Variants in TMTC1 observed in about 807,000 individuals in gnomAD.
TMTC1 encodes the protein transmembrane O-mannosyltransferase targeting cadherins 1.
Under a neutral mutation model 104.8 loss-of-function variants are expected in TMTC1, and 73 were observed. That is an observed-to-expected ratio of 0.70 (90% CI 0.58 to 0.85). TMTC1 has a LOEUF of 0.85. TMTC1 is among the 40% of genes least tolerant of loss of function. The probability of loss-of-function intolerance (pLI) is 0.00; values close to 1 mark genes in which losing one functional copy is unlikely to be tolerated. For missense variants in TMTC1, 1,035 were observed against 1,096.1 expected (o/e 0.94, Z 0.79); for synonymous variants, 434 against 428.7 (o/e 1.01, Z -0.15).
At chr12:29,557,441 TA>T (rs952989894) in intron 9 of TMTC1, among the ~76,000 whole-genome samples, 3 of 152,130 alleles carry the variant, frequency 2.0e-5, no homozygotes, top group African/African-American at 7.2e-5. Context: ...TAAACATCTT[TA>T]AAACAAAAAC....
intron 6 of TMTC1, among the ~76,000 whole-genome samples, chr12:29,608,966 A>G (rs1393244448): frequency 6.6e-6 from 1 of 152,170 alleles, no homozygotes; most frequent in East Asian, 1.9e-4. Context: ...ACACTTTGAT[A>G]CACATGTATG....
At chr12:29,738,027 T>A (rs1314324109) in intron 5 of TMTC1, among the ~76,000 whole-genome samples, 3 of 152,202 alleles carry the variant, frequency 2.0e-5, no homozygotes, top group Non-Finnish European at 2.9e-5. Flanking sequence ...TGTAGAAGAC[T>A]GACTATCTTC....
At chr12:29,633,431 C>T in intron 5 of TMTC1, 95 bp from the exon 6 acceptor site, 1 of 1,017,146 alleles carries the variant, frequency 9.8e-7, no homozygotes, top group South Asian at 1.9e-5. Flanking sequence ...AGCATTTCTA[C>T]CCAGTCAATG....
intron 5 of TMTC1, among the ~76,000 whole-genome samples, chr12:29,710,185 A>G (rs1941862276): frequency 6.6e-6 from 1 of 152,148 alleles, no homozygotes; most frequent in Non-Finnish European, 1.5e-5. Flanking sequence ...AGCAGCTGCC[A>G]CAATCTAACT....
rs1939360922 is a variant in TMTC1, at chr12:29,648,304, T to C, written c.939-14968A>G. Among the ~76,000 whole-genome samples the C allele has an allele frequency of 2.6e-5, 4 of 152,340 alleles. 1 individual carries two copies. In the South Asian group the frequency reaches 8.3e-4, roughly 32 times the overall value. ...TGACAACCTAGCTGAGATAAATTCT[T>C]AAGGCCCCTCCATGGCTCTACTCAC... On this transcript the variant is annotated intron_variant, in intron 5 of 17. Transcript: ENST00000539277.
intron 7 of TMTC1, among the ~76,000 whole-genome samples, chr12:29,591,385 G>A (rs1946277511): frequency 6.6e-6 from 1 of 152,124 alleles, no homozygotes; most frequent in African/African-American, 2.4e-5. Flanking sequence ...AGTCCGGCTT[G>A]CTCTGGTCAG....
intron 6 of TMTC1, among the ~76,000 whole-genome samples, chr12:29,625,026 A>G (rs1937904141): frequency 6.6e-6 from 1 of 152,170 alleles, no homozygotes; most frequent in South Asian, 2.1e-4. Context: ...TAGCTTCACT[A>G]TCTCAAAATT....
rs1046402666 is a variant in TMTC1, at chr12:29,501,266, C to T, written c.*5580G>A. On this transcript the variant is annotated 3_prime_UTR_variant, in exon 18 of 18. Transcript: ENST00000539277. ...AGTAACTACCTCTGCCATGTTCAAG[C>T]ACTTGGGCAATTCAGTCACTTTTAG... The T allele has an allele frequency of 6.6e-6, 1 of 152,134 alleles. No homozygotes were observed. The highest frequency in any genetic ancestry group is 2.4e-5 in the African/African-American group (1 of 41,426). 9.4% of individuals were successfully genotyped at this position (152,134 alleles called of 1,614,324 possible).
intron 8 of TMTC1, among the ~76,000 whole-genome samples, chr12:29,582,185 T>A (rs1946000329): frequency 6.6e-6 from 1 of 152,252 alleles, no homozygotes; most frequent in Admixed American, 6.5e-5. Flanking sequence ...CACATTATTT[T>A]AAAATAGTAG....
chr12:29,517,090 A>G (rs1377047704), intron 14 of TMTC1, among the ~76,000 whole-genome samples: 1 of 152,254 alleles, frequency 6.6e-6, no homozygotes, highest in East Asian at 1.9e-4. Flanking sequence ...ATATGCACAC[A>G]TATACATGTA....
chr12:29,603,853 T>C (rs1373609208), intron 7 of TMTC1, among the ~76,000 whole-genome samples: 2 of 152,240 alleles, frequency 1.3e-5, no homozygotes, highest in Admixed American at 6.5e-5. Context: ...TCTAGAAAAG[T>C]ATTATAATTC....
intron 5 of TMTC1, among the ~76,000 whole-genome samples, chr12:29,751,275 T>C (rs1174653403): frequency 6.6e-6 from 1 of 152,124 alleles, no homozygotes; most frequent in African/African-American, 2.4e-5. Context: ...GTCCTCTGGG[T>C]TTCCTCCCAT....
intron 5 of TMTC1, among the ~76,000 whole-genome samples, chr12:29,709,314 T>C (rs1483740510): frequency 6.6e-6 from 1 of 152,138 alleles, no homozygotes; most frequent in Non-Finnish European, 1.5e-5. Context: ...CAGCCAGTCT[T>C]CTGCAAAATG....
At chr12:29,672,457 A>C (rs1212835827) in intron 5 of TMTC1, among the ~76,000 whole-genome samples, 1 of 152,134 alleles carries the variant, frequency 6.6e-6, no homozygotes, top group African/African-American at 2.4e-5. Context: ...AGGCCAGGTC[A>C]GTCCATTTGA....
chr12:29,662,123 T>C (rs556035786), intron 5 of TMTC1, among the ~76,000 whole-genome samples: 17 of 152,258 alleles, frequency 1.1e-4, no homozygotes, highest in South Asian at 2.1e-4. Context: ...TCAAATCAAA[T>C]AGCATAAACC....
intron 5 of TMTC1, among the ~76,000 whole-genome samples, chr12:29,750,664 A>G (rs1284460639): frequency 6.6e-6 from 1 of 152,250 alleles, no homozygotes; most frequent in Non-Finnish European, 1.5e-5. Flanking sequence ...GAGTAACAAC[A>G]GCAATCTGAA....
chr12:29,536,908 A>C (rs368700668), intron 10 of TMTC1, among the ~76,000 whole-genome samples: 11 of 152,210 alleles, frequency 7.2e-5, no homozygotes, highest in African/African-American at 2.4e-4. Context: ...ATTTTTACTG[A>C]AAATTGAGGC....
chr12:29,597,281 C>T (rs1946435930), intron 7 of TMTC1, among the ~76,000 whole-genome samples: 1 of 132,782 alleles, frequency 7.5e-6, no homozygotes, highest in Non-Finnish European at 1.5e-5. Flanking sequence ...CACTATATTG[C>T]TCAGGCTGGT....
At chr12:29,516,865 T>A (rs897012690) in intron 14 of TMTC1, among the ~76,000 whole-genome samples, 7 of 152,222 alleles carry the variant, frequency 4.6e-5, no homozygotes, top group African/African-American at 1.7e-4. Flanking sequence ...ATGAGTGAAG[T>A]TCCAAACACT....
Sources: allele counts gnomAD v4.1 joint callset (sites outside exome capture counted in the v4.1 genomes callset), GRCh38; gene constraint gnomAD v4.1.1; transcripts MANE v1.5; gene names NCBI Gene and HGNC (gene_info 2026-07-23, HGNC 2026-07-21).